The following FBXO28 variants were observed in gnomAD, a reference collection of about 807,000 sequenced individuals.
FBXO28 encodes the protein F-box protein 28.
A neutral mutation model predicts 38.1 loss-of-function variants in FBXO28; 8 were observed. The ratio of observed to expected loss-of-function variants is 0.21; its 90% CI spans 0.12 to 0.38. The LOEUF (loss-of-function observed/expected upper bound fraction) is 0.38, where lower values mean the gene tolerates loss of function less well. FBXO28 is among the 10% of genes least tolerant of loss of function. The pLI, the probability that FBXO28 is intolerant of heterozygous loss-of-function variation, is 1.00. For missense variants in FBXO28, 345 were observed against 460.6 expected (o/e 0.75, Z 2.30); for synonymous variants, 168 against 173.8 (o/e 0.97, Z 0.26).
chr1:224,128,598 G>C (rs1453028741), intron 1 of FBXO28, among the ~76,000 whole-genome samples: 3 of 152,122 alleles, frequency 2.0e-5, no homozygotes, highest in East Asian at 3.8e-4. Flanking sequence ...GCTGACTCAG[G>C]TTTTCAAATG....
At chr1:224,125,555 G>C (rs985916991) in intron 1 of FBXO28, among the ~76,000 whole-genome samples, 9 of 151,892 alleles carry the variant, frequency 5.9e-5, no homozygotes, top group African/African-American at 2.2e-4. Context: ...CCCAATACCA[G>C]ATCTTTCAAA....
At chr1:224,123,442 CAAAAAAAAAAAAAAAA>C (rs10647785) in intron 1 of FBXO28, among the ~76,000 whole-genome samples, 1 of 64,294 alleles carries the variant, frequency 1.6e-5, no homozygotes, top group African/African-American at 6.3e-5. Context: ...GACCCTGTCT[CAAAAAAAAAAAAAAAA>C]AAAAAAAATT....
chr1:224,138,722 T>C (rs1657260129), intron 3 of FBXO28, among the ~76,000 whole-genome samples: 1 of 151,848 alleles, frequency 6.6e-6, no homozygotes, highest in Non-Finnish European at 1.5e-5. Flanking sequence ...GTCTCTGCTC[T>C]TCTTTTTTAT....
intron 3 of FBXO28, among the ~76,000 whole-genome samples, chr1:224,137,573 G>A (rs1416760662): frequency 6.6e-6 from 1 of 151,788 alleles, no homozygotes; most frequent in Non-Finnish European, 1.5e-5. Context: ...CAAGAATGGT[G>A]AGATTAGGGG....
chr1:224,122,796 G>A (rs1377350113), intron 1 of FBXO28, among the ~76,000 whole-genome samples: 4 of 152,184 alleles, frequency 2.6e-5, no homozygotes, highest in African/African-American at 4.8e-5. Context: ...ACCTTTAGCA[G>A]TGTGGTGAGA....
intron 3 of FBXO28, among the ~76,000 whole-genome samples, chr1:224,147,518 C>A (rs1444686810): frequency 6.6e-6 from 1 of 151,886 alleles, no homozygotes; most frequent in Non-Finnish European, 1.5e-5. Context: ...ATTTACAAAG[C>A]TTTGACATGG....
At chr1:224,117,577 A>G (rs572457185) in intron 1 of FBXO28, among the ~76,000 whole-genome samples, 1 of 152,286 alleles carries the variant, frequency 6.6e-6, no homozygotes, top group East Asian at 1.9e-4. Context: ...AACCTTTGAA[A>G]TGACAAAACA....
At chr1:224,130,342 A>G in intron 1 of FBXO28, 130 bp from the exon 2 acceptor site, 1 of 527,484 alleles carries the variant, frequency 1.9e-6, no homozygotes, top group Non-Finnish European at 3.3e-6. Context: ...ACTTCGTCTC[A>G]AAAAAAAAGA....
chr1:224,144,806 A>G (rs1657458803), intron 3 of FBXO28, among the ~76,000 whole-genome samples: 1 of 152,078 alleles, frequency 6.6e-6, no homozygotes, highest in Admixed American at 6.6e-5. Flanking sequence ...TCTGAACTAC[A>G]TGTTGGTAGG....
At chr1:224,127,016 A>G (rs937493871) in intron 1 of FBXO28, among the ~76,000 whole-genome samples, 1 of 151,546 alleles carries the variant, frequency 6.6e-6, no homozygotes, top group Admixed American at 6.6e-5. Context: ...ATAACATAAA[A>G]GTTTTTTTTT....
intron 4 of FBXO28, among the ~76,000 whole-genome samples, chr1:224,153,921 CAAAAA>C (rs3065992): frequency 7.7e-6 from 1 of 130,682 alleles, no homozygotes; most frequent in Non-Finnish European, 1.7e-5. Flanking sequence ...AACTCCATCT[CAAAAA>C]AAAAAAAAAG....
rs763007570 is a variant in FBXO28, at chr1:224,130,508, T to C, written c.304T>C (p.Leu102=). 2 of 1,614,058 alleles carry C rather than the reference T, an allele frequency of 1.2e-6. No individual in the cohort carries two copies. The highest frequency in any genetic ancestry group is 1.7e-6 in the Non-Finnish European group (2 of 1,179,930). The change falls in exon 2 of 5, where the codon TTG becomes CTG. Residue 102 remains leucine, a synonymous_variant. Transcript: ENST00000366862. The part of the protein sequence containing the change: ...KRMDLVCQRM[L]NQGFLKVERY... ...AATGGACTTGGTCTGCCAGAGAATG[T>C]TGAATCAGGGATTTCTGAAAGTGGA... is the stretch of plus-strand genomic sequence containing the variant.
chr1:224,142,463 T>A (rs1657381428), intron 3 of FBXO28, among the ~76,000 whole-genome samples: 1 of 146,830 alleles, frequency 6.8e-6, no homozygotes, highest in South Asian at 2.1e-4. Context: ...AGTTTTAACT[T>A]CTTGACTTTT....
At chr1:224,124,702 A>T (rs1236481676) in intron 1 of FBXO28, among the ~76,000 whole-genome samples, 1 of 152,146 alleles carries the variant, frequency 6.6e-6, no homozygotes, top group Non-Finnish European at 1.5e-5. Flanking sequence ...TGAATCCTAA[A>T]CAAAAGTTAT....
chr1:224,143,252 A>C (rs945163682), intron 3 of FBXO28, among the ~76,000 whole-genome samples: 1 of 152,026 alleles, frequency 6.6e-6, no homozygotes. Flanking sequence ...GAGAAAAAAA[A>C]ATCAGTTCCC....
At position 224,153,269 on chromosome 1, in the gene FBXO28, T is replaced by C; in HGVS notation, c.644T>C (p.Ile215Thr). The change falls in exon 4 of 5, where the codon ATT (isoleucine) becomes ACT (threonine). Residue 215 changes from isoleucine (I) to threonine (T), a missense_variant. Ile to Thr is a moderately conservative substitution (Grantham distance 89, BLOSUM62 -1). This residue lies in a region of FBXO28 where 151 missense variants were observed against 188.3 expected (regional missense o/e 0.80). Transcript: ENST00000366862. ...GCAATGGAGTACTTTGATGAAAAGA[T>C]TGTTCCAATTTTAAAGAGGAAATTA... ...SMAMEYFDEK[I>T]VPILKRKLPG... 6.2e-7 allele frequency: 1 copy of C among 1,611,498 alleles called. No homozygotes were observed. Among genetic ancestry groups the C allele is most frequent in the Non-Finnish European group, 8.5e-7 (1 of 1,179,052 alleles).
At chr1:224,123,407 C>T (rs1224045548) in intron 1 of FBXO28, among the ~76,000 whole-genome samples, 4 of 137,074 alleles carry the variant, frequency 2.9e-5, no homozygotes, top group Non-Finnish European at 6.1e-5. Context: ...CGTGCCACTC[C>T]ACTCCAGCCT....
intron 3 of FBXO28, among the ~76,000 whole-genome samples, chr1:224,146,596 T>C (rs1193220031): frequency 6.6e-6 from 1 of 152,178 alleles, no homozygotes; most frequent in African/African-American, 2.4e-5. Flanking sequence ...AGACTGTTTC[T>C]AGCTATGTTG....
At chr1:224,142,202 A>T (rs1413397643) in intron 3 of FBXO28, among the ~76,000 whole-genome samples, 2 of 151,774 alleles carry the variant, frequency 1.3e-5, no homozygotes, top group Non-Finnish European at 1.5e-5. Context: ...AAATGCAAAA[A>T]TTAGCCAGGC....
Sources: gnomAD v4.1 joint callset for allele counts (sites outside exome capture counted in the v4.1 genomes callset) on GRCh38, gnomAD v4.1.1 for gene constraint, gnomAD v4.1.1 regional missense constraint, MANE v1.5 for transcripts, NCBI Gene and HGNC (gene_info 2026-07-23, HGNC 2026-07-21) for gene names.